Variants in GABBR1 observed in about 807,000 individuals in gnomAD.
GABBR1 encodes the protein gamma-aminobutyric acid type B receptor subunit 1, also known as GABA-B receptor, R1 subunit.
GABBR1 carries 35 observed loss-of-function variants against 117.7 expected under a neutral mutation model. The observed-to-expected ratio is 0.30, with a 90% CI of 0.23 to 0.39. GABBR1 has a LOEUF of 0.39. GABBR1 is among the 10% of genes least tolerant of loss of function. GABBR1 has a pLI of 1.00. For synonymous variants in GABBR1, 442 were observed against 486.6 expected (o/e 0.91, Z 1.21); for missense variants, 709 against 1,241.8 (o/e 0.57, Z 6.45).
At position 29,606,243 on chromosome 6, in the gene GABBR1, G is replaced by A. The variant is rs1761942034; in HGVS notation, c.2311+148C>T. On this transcript the variant is annotated intron_variant, in intron 19 of 22. Transcript: ENST00000377034. This position sits in a 1 kb window ranked among gnomAD's most constrained non-coding sequence, Gnocchi z 4.5. ...TCTCCCCTATTCTCAGAAAAGATTAGTGCAATAACAAAGAGTAGGGTGTTC... is the reference window on the plus strand; with the variant it reads ...TCTCCCCTATTCTCAGAAAAGATTAATGCAATAACAAAGAGTAGGGTGTTC... The A allele has an allele frequency of 1.0e-5, 7 of 671,264 alleles. No homozygotes were observed. The highest frequency in any genetic ancestry group is 1.6e-5 in the Non-Finnish European group (6 of 370,928). 41.6% of individuals were successfully genotyped at this position (671,264 alleles called of 1,614,324 possible).
At position 29,606,273 on chromosome 6, in the gene GABBR1, T is replaced by A; in HGVS notation, c.2311+118A>T. 1 of 736,124 alleles carries A rather than the reference T, an allele frequency of 1.4e-6. No homozygotes were observed. The highest frequency in any genetic ancestry group is 2.5e-6 in the Non-Finnish European group (1 of 406,732). 45.6% of individuals were successfully genotyped at this position (736,124 alleles called of 1,614,324 possible). On this transcript the variant is annotated intron_variant, in intron 19 of 22. Transcript: ENST00000377034. The surrounding 1 kb of genome is among the most constrained non-coding windows in gnomAD (Gnocchi z 4.5). Reference sequence around the variant, plus strand: ...ATAACAAAGAGTAGGGTGTTCAAACTGGGTTGACAAGCTCTCTACCTCCTC... The same window carrying A: ...ATAACAAAGAGTAGGGTGTTCAAACAGGGTTGACAAGCTCTCTACCTCCTC...
chr6:29,632,648 C>A lies in GABBR1; in HGVS notation c.-1+202G>T. 6.9e-7 allele frequency: 1 copy of A among 1,457,260 alleles called. No homozygotes were observed. Among genetic ancestry groups the A allele is most frequent in the South Asian group, 1.3e-5 (1 of 77,938 alleles). 90.3% of individuals were successfully genotyped at this position (1,457,260 alleles called of 1,614,324 possible). On this transcript the variant is annotated intron_variant, in intron 1 of 22. Transcript: ENST00000377034. This position sits in a 1 kb window ranked among gnomAD's most constrained non-coding sequence, Gnocchi z 5.8. Reference sequence around the variant, plus strand: ...CTCCACCTCTCACCACCTCCTCTCCCCCGGCCCCCGCGGCTCGCAGAAGCC... The same window carrying A: ...CTCCACCTCTCACCACCTCCTCTCCACCGGCCCCCGCGGCTCGCAGAAGCC...
chr6:29,610,047 C>T (rs1017524170), intron 14 of GABBR1, among the ~76,000 whole-genome samples: 1 of 135,572 alleles, frequency 7.4e-6, no homozygotes, highest in African/African-American at 2.8e-5. Context: ...CAATCCAGAA[C>T]ATTGTCCTAA....
chr6:29,603,595 G>T lies in GABBR1; in HGVS notation c.2834C>A (p.Pro945His). The change falls in exon 23 of 23, where the codon CCC (proline) becomes CAC (histidine). Residue 945 changes from proline (P) to histidine (H), a missense_variant. By Grantham distance (77) the Pro-to-His change is moderately conservative. Around this residue, in one of 9 missense-constraint regions of GABBR1, gnomAD observed 69 missense variants for 64.3 expected, o/e 1.07. Transcript: ENST00000377034. ...CCCATCACAGCTAAGCCGGTCGGGG[G>T]GCTCAGGGGGTCCCCTGGGCAGGCC... ...SGGLPRGPPE[P>H]PDRLSCDGSR... 6.3e-7 allele frequency: 1 copy of T among 1,588,124 alleles called. No individual in the cohort carries two copies. The highest frequency in any genetic ancestry group is 8.6e-7 in the Non-Finnish European group (1 of 1,168,958).
In GABBR1 at chr6:29,606,943, G is replaced by A; in HGVS notation, c.2171C>T (p.Thr724Ile). 1.2e-6 allele frequency: 2 copies of A among 1,614,238 alleles called. No individual in the cohort carries two copies. Among genetic ancestry groups the A allele is most frequent in the Non-Finnish European group, 1.7e-6 (2 of 1,180,030 alleles). The change falls in exon 18 of 23, where the codon ACT (threonine) becomes ATT (isoleucine). Residue 724 changes from threonine to isoleucine, a missense_variant. Physicochemically the swap from Thr to Ile is moderately conservative, Grantham distance 89. Transcript: ENST00000377034. This position sits in a 1 kb window ranked among gnomAD's most constrained non-coding sequence, Gnocchi z 4.5. ...VGLLVGMDVL[T>I]LAIWQIVDPL... ...GTCCACGATCTGCCAGATGGCGAGA[G>A]TGAGGACATCCATGCCCACCAGCAG...
rs1393218574 is a variant in GABBR1, at chr6:29,613,888, G to T, written c.1324-403C>A. Among the ~76,000 whole-genome samples, 1 of 152,180 alleles carries T rather than the reference G, an allele frequency of 6.6e-6. No individual in the cohort carries two copies. The highest frequency in any genetic ancestry group is 2.4e-5 in the African/African-American group (1 of 41,436). On this transcript the variant is annotated intron_variant, in intron 11 of 22. Transcript: ENST00000377034. This position sits in a 1 kb window ranked among gnomAD's most constrained non-coding sequence, Gnocchi z 4.1. ...GACTTTCTTCATAGAGTTAACCCAG[G>T]ATCTAACAGCTCCTACAATTCCAAA...
At chr6:29,628,347 C>T (rs1397159887) in intron 5 of GABBR1, 1 of 163,748 alleles carries the variant, frequency 6.1e-6, no homozygotes, top group African/African-American at 2.4e-5. Context: ...ACGGAGGAAC[C>T]AGGGTAGGAA....
rs1001285274 is a variant in GABBR1 at position 29,607,596 on chromosome 6, C to T, written c.1993-378G>A. Reference sequence around the variant, plus strand: ...CTGTCCAGCTAGGCTCATCTCCCAGCCCCACACCTACCCCACGCTCCAGCC... The same window carrying T: ...CTGTCCAGCTAGGCTCATCTCCCAGTCCCACACCTACCCCACGCTCCAGCC... On this transcript the variant is annotated intron_variant, in intron 16 of 22. Transcript: ENST00000377034. The surrounding 1 kb of genome is among the most constrained non-coding windows in gnomAD (Gnocchi z 5.0). 1.3e-5 allele frequency among the ~76,000 whole-genome samples: 2 copies of T among 152,204 alleles called. No individual in the cohort carries two copies. The highest frequency in any genetic ancestry group is 2.9e-5 in the Non-Finnish European group (2 of 68,044).
At chr6:29,608,784 C>A in intron 15 of GABBR1, 51 bp from the exon 16 acceptor site, 1 of 1,590,872 alleles carries the variant, frequency 6.3e-7, no homozygotes, top group Non-Finnish European at 8.6e-7. Flanking sequence ...CCCCTCTTCT[C>A]CAGGGAGGCT....
Position 29,630,620 on chromosome 6 carries a change from A to G in GABBR1, c.313T>C (p.Leu105=). The G allele has an allele frequency of 6.2e-7, 1 of 1,612,888 alleles. No individual in the cohort carries two copies. The highest frequency in any genetic ancestry group is 8.5e-7 in the Non-Finnish European group (1 of 1,179,842). Residue 105 remains leucine (L), a synonymous_variant, in exon 4 of 23, where the codon TTG becomes CTG. Coordinates refer to ENST00000377034, the MANE Select transcript of GABBR1 (RefSeq NM_001470.4). The surrounding 1 kb of genome is among the most constrained non-coding windows in gnomAD (Gnocchi z 4.9). Reference sequence around the variant, plus strand: ...AAAACCTTCCCATTTTCCAGGGTCAAATAAGACTTGGAGCAGATTCGGACT... The same window carrying G: ...AAAACCTTCCCATTTTCCAGGGTCAGATAAGACTTGGAGCAGATTCGGACT... ...RCVRICSKSY[L]TLENGKVFLT...
At chr6:29,617,180 A>G (rs1262057130) in intron 11 of GABBR1, among the ~76,000 whole-genome samples, 1 of 152,032 alleles carries the variant, frequency 6.6e-6, no homozygotes, top group Non-Finnish European at 1.5e-5. Context: ...CTGGGTATGA[A>G]GTAAGTTACA....
intron 11 of GABBR1, among the ~76,000 whole-genome samples, chr6:29,616,495 C>T (rs1763122485): frequency 6.6e-6 from 1 of 151,174 alleles, no homozygotes; most frequent in African/African-American, 2.4e-5. Context: ...ACCAACCTGA[C>T]CAACATGGTG....
chr6:29,629,330 T>G, intron 4 of GABBR1: 1 of 681,814 alleles, frequency 1.5e-6, no homozygotes, highest in Admixed American at 2.1e-5. Context: ...ACAACAGAAT[T>G]TGAGACGGGA....
At chr6:29,617,301 C>CTTTTT (rs373993426) in intron 11 of GABBR1, among the ~76,000 whole-genome samples, 332 of 119,798 alleles carry the variant, frequency 2.8e-3, no homozygotes, top group East Asian at 5.2e-3. Flanking sequence ...TTCTTTCTTT[C>CTTTTT]TTTTTTTTTT....
chr6:29,628,798 G>A (rs1583020369), intron 5 of GABBR1, among the ~76,000 whole-genome samples: 1 of 152,120 alleles, frequency 6.6e-6, no homozygotes, highest in Middle Eastern at 3.4e-3. Flanking sequence ...GCACCCTGCC[G>A]CCCTCTGCTG....
In GABBR1 at chr6:29,603,005, G is replaced by A. The variant is rs1360802667; in HGVS notation, c.*538C>T. 8.8e-6 allele frequency: 4 copies of A among 456,734 alleles called. No individual in the cohort carries two copies. Among genetic ancestry groups the A allele is most frequent in the African/African-American group, 2.0e-5 (1 of 50,082 alleles). 28.3% of individuals were successfully genotyped at this position (456,734 alleles called of 1,614,324 possible). A position where few individuals can be genotyped will look rare whatever the true frequency, so the allele number is the denominator to read the frequency against. On this transcript the variant is annotated 3_prime_UTR_variant, in exon 23 of 23. Coordinates refer to ENST00000377034, the MANE Select transcript of GABBR1 (RefSeq NM_001470.4). ...AGGCAAGGAGCATGTGAGCCTTGGC[G>A]AAAAGAATGAGCTCCCAAAGGAAGC...
rs751828045 is a variant in GABBR1 at position 29,631,460 on chromosome 6, C to T, written c.225G>A (p.Gly75=). 2 of 1,614,074 alleles carry T rather than the reference C, an allele frequency of 1.2e-6. No individual in the cohort carries two copies. The highest frequency in any genetic ancestry group is 1.7e-5 in the Admixed American group (1 of 60,008). ...TGGCCAGGCACTTGCGGACCTTGGGCCCCACCACCTCGCGCTCCCCCCGGC... is the reference window on the plus strand; with the variant it reads ...TGGCCAGGCACTTGCGGACCTTGGGTCCCACCACCTCGCGCTCCCCCCGGC... ...YVCRGEREVV[G]PKVRKCLANG... Residue 75 remains glycine, a synonymous_variant, in exon 3 of 23, where the codon GGG becomes GGA. Coordinates refer to ENST00000377034, the MANE Select transcript of GABBR1 (RefSeq NM_001470.4). This position sits in a 1 kb window ranked among gnomAD's most constrained non-coding sequence, Gnocchi z 5.9.
Position 29,621,403 on chromosome 6 carries a change from A to G in GABBR1, c.1132-111T>C. The G allele has an allele frequency of 1.2e-6, 1 of 826,284 alleles. No individual in the cohort carries two copies. Among genetic ancestry groups the G allele is most frequent in the Non-Finnish European group, 1.9e-6 (1 of 529,158 alleles). The allele number at this position is 826,284 out of a possible 1,614,324, so 51.2% of individuals were successfully genotyped here. On this transcript the variant is annotated intron_variant, in intron 10 of 22. Coordinates refer to ENST00000377034, the MANE Select transcript of GABBR1 (RefSeq NM_001470.4). The surrounding 1 kb of genome is among the most constrained non-coding windows in gnomAD (Gnocchi z 5.0). ...GGAATCAGGGAAGAGCAGTAGAACT[A>G]AAAAGAGAAATCTACAAGTCTTGGG...
chr6:29,623,814 C>A lies in GABBR1; in HGVS notation c.792+76G>T. 2 of 1,513,218 alleles carry A rather than the reference C, an allele frequency of 1.3e-6. No individual in the cohort carries two copies. The highest frequency in any genetic ancestry group is 1.8e-6 in the Non-Finnish European group (2 of 1,115,426). The allele number at this position is 1,513,218 out of a possible 1,614,324, so 93.7% of individuals were successfully genotyped here. On this transcript the variant is annotated intron_variant, in intron 7 of 22. Transcript: ENST00000377034. This position sits in a 1 kb window ranked among gnomAD's most constrained non-coding sequence, Gnocchi z 6.2. ...CTCCACACTCCTTTTCAATACAAACCCACAATCGCCATCGTCCCTTCAGTA... is the reference window on the plus strand; with the variant it reads ...CTCCACACTCCTTTTCAATACAAACACACAATCGCCATCGTCCCTTCAGTA...
Sources: allele counts gnomAD v4.1 joint callset (sites outside exome capture counted in the v4.1 genomes callset), GRCh38; gene constraint gnomAD v4.1.1; regional missense constraint gnomAD v4.1.1; non-coding constraint Gnocchi (gnomAD v3.1); transcripts MANE v1.5; gene names NCBI Gene and HGNC (gene_info 2026-07-23, HGNC 2026-07-21).